FBXL13: variants seen among roughly 807,000 people sequenced by gnomAD.
FBXL13 encodes the protein F-box and leucine-rich repeat protein 13.
In FBXL13, 67 loss-of-function variants were observed where a neutral mutation model predicts 83.6. The observed-to-expected ratio is 0.80, with a 90% CI of 0.66 to 0.98. FBXL13 has a LOEUF of 0.98. FBXL13 is among the 50% of genes least tolerant of loss of function. FBXL13 has a pLI of 0.00. For synonymous variants in FBXL13, 272 were observed against 299.5 expected (o/e 0.91, Z 0.95); for missense variants, 822 against 866.5 (o/e 0.95, Z 0.64).
intron 17 of FBXL13, among the ~76,000 whole-genome samples, chr7:102,844,933 C>T (rs188214427): frequency 5.1e-4 from 77 of 152,208 alleles, no homozygotes; most frequent in Non-Finnish European, 6.9e-4. Flanking sequence ...ATAAAGGATA[C>T]CAATGAACAG....
chr7:102,986,020 C>CA (rs529730066), intron 6 of FBXL13, among the ~76,000 whole-genome samples: 3 of 151,662 alleles, frequency 2.0e-5, no homozygotes, highest in African/African-American at 7.3e-5. Context: ...GCACGATGCC[C>CA]CCCCCCCATC....
At chr7:102,828,530 TC>T (rs1333253209) in intron 18 of FBXL13, among the ~76,000 whole-genome samples, 1 of 152,214 alleles carries the variant, frequency 6.6e-6, no homozygotes, top group Non-Finnish European at 1.5e-5. Context: ...CTTACTCCTC[TC>T]CCTTTACATT....
At position 102,879,764 on chromosome 7, in the gene FBXL13, T is replaced by C. The variant is rs183868198; in HGVS notation, c.1389-1314A>G. ...CTCTGTCGCCCAGGCTGGAGTGCAGTGGCACGATCTCAGCTCACTACAAGC... is the reference window on the plus strand; with the variant it reads ...CTCTGTCGCCCAGGCTGGAGTGCAGCGGCACGATCTCAGCTCACTACAAGC... On this transcript the variant is annotated intron_variant, in intron 14 of 19. Coordinates refer to ENST00000313221, the Ensembl canonical transcript of FBXL13. 2.9e-3 allele frequency among the ~76,000 whole-genome samples: 447 copies of C among 152,328 alleles called. 9 individuals carry two copies. Among genetic ancestry groups the C allele is most frequent in the Admixed American group, 0.028 (433 of 15,298 alleles).
intron 7 of FBXL13, among the ~76,000 whole-genome samples, chr7:102,964,238 G>A (rs572929651): frequency 1.3e-5 from 2 of 151,684 alleles, no homozygotes; most frequent in African/African-American, 4.8e-5. Flanking sequence ...CTGAACCTGA[G>A]AGGTGGAGGT....
At chr7:102,890,416 T>A (rs78501346) in intron 11 of FBXL13, among the ~76,000 whole-genome samples, 2 of 152,114 alleles carry the variant, frequency 1.3e-5, no homozygotes, top group African/African-American at 4.8e-5. Flanking sequence ...CCCCACTGAT[T>A]GGGAAGTTGA....
At chr7:102,862,694 A>T (rs1215193045) in intron 16 of FBXL13, among the ~76,000 whole-genome samples, 1 of 152,250 alleles carries the variant, frequency 6.6e-6, no homozygotes, top group Admixed American at 6.5e-5. Context: ...ACAAAAATTG[A>T]TGGATACTGC....
rs371449758 is a variant in FBXL13, at chr7:103,034,632, G to A, written c.1-5214C>T. On this transcript the variant is annotated intron_variant, in intron 2 of 19. Transcript: ENST00000313221. ...AGGGAGCCGGTTCCGGCCTTGGCCA[G>A]CCCAGAAAGGGGATCCCACAGTGCA... Among the ~76,000 whole-genome samples, 171 of 152,350 alleles carry A rather than the reference G, an allele frequency of 1.1e-3. 1 individual carries two copies. The highest frequency in any genetic ancestry group is 4.1e-3 in the African/African-American group (170 of 41,600).
chr7:103,070,636 C>A (rs144809835), intron 1 of FBXL13, among the ~76,000 whole-genome samples: 199 of 151,996 alleles, frequency 1.3e-3, no homozygotes, highest in African/African-American at 4.5e-3. Flanking sequence ...GCAGGGTGTA[C>A]AAGAAGCATG....
intron 6 of FBXL13, among the ~76,000 whole-genome samples, chr7:103,015,509 C>T (rs1792183961): frequency 6.6e-6 from 1 of 152,134 alleles, no homozygotes; most frequent in African/African-American, 2.4e-5. Flanking sequence ...TACAAAATCA[C>T]TGTACTAGCT....
intron 6 of FBXL13, among the ~76,000 whole-genome samples, chr7:103,015,619 A>G (rs1792199197): frequency 6.6e-6 from 1 of 152,102 alleles, no homozygotes; most frequent in South Asian, 2.1e-4. Flanking sequence ...CAATATAGCT[A>G]AACCCCGTCT....
At chr7:102,964,890 T>C (rs2129479965) in intron 7 of FBXL13, among the ~76,000 whole-genome samples, 1 of 152,210 alleles carries the variant, frequency 6.6e-6, no homozygotes, top group South Asian at 2.1e-4. Context: ...ATTAAATAAA[T>C]TGAGTGACTT....
Position 102,944,324 on chromosome 7 carries a change from G to A in FBXL13, c.725-12391C>T. ...TATTTTTTGAAACTCTTGTGGCTCA[G>A]AGATAACCCTTGGAGATGTGACTAC... On this transcript the variant is annotated intron_variant, in intron 8 of 19. Coordinates refer to ENST00000313221, the Ensembl canonical transcript of FBXL13. 6.2e-7 allele frequency: 1 copy of A among 1,614,052 alleles called. No homozygotes were observed. The highest frequency in any genetic ancestry group is 2.2e-5 in the East Asian group (1 of 44,870).
intron 6 of FBXL13, among the ~76,000 whole-genome samples, chr7:103,001,120 A>T (rs185970879): frequency 0.066 from 9,825 of 149,588 alleles, 439 homozygotes; most frequent in South Asian, 0.14. Context: ...CTATATATAT[A>T]TTTTTTTTTG....
At chr7:102,879,615 G>T (rs945929212) in intron 14 of FBXL13, among the ~76,000 whole-genome samples, 5 of 152,118 alleles carry the variant, frequency 3.3e-5, no homozygotes, top group African/African-American at 1.2e-4. Flanking sequence ...TTGTTTGTTT[G>T]TTTTTTAATA....
At chr7:103,033,348 T>C (rs191247226) in intron 2 of FBXL13, among the ~76,000 whole-genome samples, 1 of 152,152 alleles carries the variant, frequency 6.6e-6, no homozygotes, top group African/African-American at 2.4e-5. Flanking sequence ...ACAGCACTAT[T>C]TGTGCAATAC....
chr7:103,053,414 A>G (rs955501410), intron 2 of FBXL13, among the ~76,000 whole-genome samples: 7 of 152,066 alleles, frequency 4.6e-5, no homozygotes, highest in African/African-American at 1.7e-4. Context: ...CGGCCTCCCA[A>G]AGTGCTGGAA....
In FBXL13 at chr7:102,913,067, A is replaced by T. The variant is rs142908339; in HGVS notation, c.1008+19T>A. On this transcript the variant is annotated intron_variant, in intron 11 of 19. Transcript: ENST00000313221. ...AACTTCCTCACACACCGCAGCAAAGAGAAGACTGAAAGACAAACCTGGGTG... is the reference window on the plus strand; with the variant it reads ...AACTTCCTCACACACCGCAGCAAAGTGAAGACTGAAAGACAAACCTGGGTG... 6.2e-6 allele frequency: 10 copies of T among 1,614,076 alleles called. No homozygotes were observed. In the African/African-American group the frequency reaches 1.1e-4, roughly 17 times the overall value.
At chr7:103,044,595 T>C (rs1008516202) in intron 2 of FBXL13, among the ~76,000 whole-genome samples, 10 of 152,224 alleles carry the variant, frequency 6.6e-5, no homozygotes, top group Non-Finnish European at 1.5e-4. Context: ...ATTAACAAGA[T>C]TGGCAAAATG....
Position 102,931,910 on chromosome 7 carries a change from A to G in FBXL13, c.748T>C (p.Leu250=), listed in dbSNP as rs1293572069. 4 of 1,613,552 alleles carry G rather than the reference A, an allele frequency of 2.5e-6. No individual in the cohort carries two copies. In the South Asian group the frequency reaches 3.3e-5, roughly 13 times the overall value. ...AATGTTGGGCAGTCAGAGACATTCA[A>G]CTCTTGCAAGTTCCTACAGTGGCCT... Residue 250 remains leucine (L), a synonymous_variant, in exon 9 of 20, where the codon TTG becomes CTG. Transcript: ENST00000313221.
Sources: gnomAD v4.1 joint callset for allele counts (sites outside exome capture counted in the v4.1 genomes callset) on GRCh38, gnomAD v4.1.1 for gene constraint, MANE v1.5 for transcripts, NCBI Gene and HGNC (gene_info 2026-07-23, HGNC 2026-07-21) for gene names.